GUCY2C: variants seen among roughly 807,000 people sequenced by gnomAD.
GUCY2C encodes guanylate cyclase 2C.
Under a neutral mutation model 131.1 loss-of-function variants are expected in GUCY2C, and 118 were observed. The observed-to-expected ratio is 0.90, with a 90% CI of 0.78 to 1.05. The LOEUF (loss-of-function observed/expected upper bound fraction) is 1.05, where lower values mean the gene tolerates loss of function less well. Among genes scored for constraint, GUCY2C ranks in the 50% least tolerant of loss-of-function variants. GUCY2C has a pLI of 0.00. For synonymous variants in GUCY2C, 452 were observed against 457.8 expected (o/e 0.99, Z 0.16); for missense variants, 1,161 against 1,304.4 (o/e 0.89, Z 1.69).
At position 14,674,655 on chromosome 12, in the gene GUCY2C, C is replaced by T. The variant is rs779079635; in HGVS notation, c.1054G>A (p.Ala352Thr). 6.2e-7 allele frequency: 1 copy of T among 1,613,548 alleles called. No individual in the cohort carries two copies. Among genetic ancestry groups the T allele is most frequent in the Non-Finnish European group, 8.5e-7 (1 of 1,179,622 alleles). The change falls in exon 8 of 27, where the codon GCT (alanine) becomes ACT (threonine). Residue 352 changes from alanine to threonine, a missense_variant. Physicochemically the swap from Ala to Thr is moderately conservative, Grantham distance 58. Transcript: ENST00000261170. ...AAAGTGAGATTCCTGAAAGCATGAG[C>T]AAATTTGGGGGTGGTAATATTTTCT... The part of the protein sequence containing the change: ...NGENITTPKF[A>T]HAFRNLTFEG...
At position 14,691,883 on chromosome 12, in the gene GUCY2C, A is replaced by AT. The variant is rs560865846; in HGVS notation, c.218-3821dup. On this transcript the variant is annotated intron_variant, in intron 1 of 26. Transcript: ENST00000261170. ...ACTATATGCCTAGCTTTGGGCTGTG[A>AT]TTTTTTACAGGTATTATTTCACTTA... Among the ~76,000 whole-genome samples the AT allele has an allele frequency of 4.5e-4, 68 of 152,240 alleles. No individual in the cohort carries two copies. The East Asian group carries it at 0.013, about 29-fold the overall frequency.
chr12:14,641,438 G>A (rs1947402204), intron 17 of GUCY2C, among the ~76,000 whole-genome samples: 1 of 152,170 alleles, frequency 6.6e-6, no homozygotes, highest in African/African-American at 2.4e-5. Context: ...ACTATGAAAT[G>A]TTAGGATTTG....
chr12:14,695,233 A>G (rs1240578995), intron 1 of GUCY2C, among the ~76,000 whole-genome samples: 1 of 152,216 alleles, frequency 6.6e-6, no homozygotes, highest in African/African-American at 2.4e-5. Context: ...GACTGGAAAC[A>G]TCCAGGTGGC....
At chr12:14,645,593 G>C (rs1485673540) in intron 15 of GUCY2C, among the ~76,000 whole-genome samples, 1 of 152,154 alleles carries the variant, frequency 6.6e-6, no homozygotes, top group East Asian at 1.9e-4. Flanking sequence ...GCAGCAGGCG[G>C]GGAGACTGCT....
Position 14,621,164 on chromosome 12 carries a change from T to C in GUCY2C, c.2654A>G (p.Asn885Ser). The C allele has an allele frequency of 6.2e-7, 1 of 1,613,752 alleles. No homozygotes were observed. Among genetic ancestry groups the C allele is most frequent in the Non-Finnish European group, 8.5e-7 (1 of 1,179,804 alleles). The change falls in exon 23 of 27, where the codon AAT becomes AGT. Residue 885 changes from asparagine to serine, a missense_variant. Transcript: ENST00000261170. The part of the protein sequence containing the change: ...YMVASGLPKR[N>S]GNRHAIDIAK... ...AATGTCTATTGCATGCCGATTGCCA[T>C]TTCTCTTAGGCAAACCACTAGCCAC... is the stretch of plus-strand genomic sequence containing the variant.
rs376604442 is a variant in GUCY2C at position 14,672,910 on chromosome 12, G to A, written c.1133C>T (p.Thr378Ile). 1.2e-6 allele frequency: 2 copies of A among 1,608,544 alleles called. No individual in the cohort carries two copies. The highest frequency in any genetic ancestry group is 2.7e-5 in the African/African-American group (2 of 74,758). The change falls in exon 9 of 27, where the codon ACC (threonine) becomes ATC (isoleucine). Residue 378 changes from threonine (T) to isoleucine (I), a missense_variant. Coordinates refer to ENST00000261170, the MANE Select transcript of GUCY2C (RefSeq NM_004963.4). ...CACAGAGGTATACAGAAGCACCATGGTACTGTCAACATCCCCCCAGTCATC... is the reference window on the plus strand; with the variant it reads ...CACAGAGGTATACAGAAGCACCATGATACTGTCAACATCCCCCCAGTCATC... ...TLDDWGDVDSTMVLLYTSVDT... is the reference protein window; with the variant it reads ...TLDDWGDVDSIMVLLYTSVDT...
intron 20 of GUCY2C, among the ~76,000 whole-genome samples, chr12:14,626,238 G>GC (rs1202270260): frequency 6.6e-6 from 1 of 151,762 alleles, no homozygotes; most frequent in African/African-American, 2.4e-5. Context: ...CAGGAGAATT[G>GC]CTTGACTGGG....
chr12:14,633,424 A>G (rs73312031), intron 19 of GUCY2C, among the ~76,000 whole-genome samples: 1 of 152,112 alleles, frequency 6.6e-6, no homozygotes, highest in Non-Finnish European at 1.5e-5. Context: ...GTCCTCCCCT[A>G]TGAAAGCAAA....
At chr12:14,686,769 A>G (rs1423722585) in intron 2 of GUCY2C, among the ~76,000 whole-genome samples, 2 of 152,220 alleles carry the variant, frequency 1.3e-5, no homozygotes, top group Non-Finnish European at 2.9e-5. Context: ...GTAGAGGCAG[A>G]GAAAAGCAGC....
chr12:14,671,858 A>G (rs182343744), intron 9 of GUCY2C, among the ~76,000 whole-genome samples: 2 of 152,342 alleles, frequency 1.3e-5, no homozygotes, highest in Admixed American at 6.5e-5. Context: ...TTCTTACGGA[A>G]TGTATGCGAA....
intron 15 of GUCY2C, among the ~76,000 whole-genome samples, chr12:14,649,436 A>G (rs1947594509): frequency 6.6e-6 from 1 of 152,202 alleles, no homozygotes; most frequent in Non-Finnish European, 1.5e-5. Flanking sequence ...AAACATGAAC[A>G]TACTCCAAAT....
chr12:14,687,642 C>A (rs925550357), intron 2 of GUCY2C, among the ~76,000 whole-genome samples: 2 of 152,000 alleles, frequency 1.3e-5, no homozygotes, highest in Non-Finnish European at 2.9e-5. Context: ...AACAAACACC[C>A]AAGAAACAAA....
chr12:14,679,585 A>G, intron 6 of GUCY2C, 72 bp downstream of exon 6: 1 of 788,104 alleles, frequency 1.3e-6, no homozygotes, highest in South Asian at 1.4e-5. Context: ...AGAAAAGAGA[A>G]TGTGCCTTCT....
In GUCY2C at chr12:14,613,220, G is replaced by A. The variant is rs747094221; in HGVS notation, c.3119C>T (p.Ala1040Val). 1.2e-6 allele frequency: 2 copies of A among 1,613,084 alleles called. No homozygotes were observed. The highest frequency in any genetic ancestry group is 4.5e-5 in the East Asian group (2 of 44,860). The change falls in exon 27 of 27, where the codon GCA (alanine) becomes GTA (valine). Residue 1040 changes from alanine (A) to valine (V), a missense_variant. Physicochemically the swap from Ala to Val is moderately conservative, Grantham distance 64 (BLOSUM62 0). Coordinates refer to ENST00000261170, the MANE Select transcript of GUCY2C (RefSeq NM_004963.4). The surrounding 1 kb of genome is among the most constrained non-coding windows in gnomAD (Gnocchi z 4.9). Reference protein sequence around the residue: ...IANSLQKRQAAGIRSQKPRRV... With the variant: ...IANSLQKRQAVGIRSQKPRRV... Reference sequence around the variant, plus strand: ...TCTGGGTTTTTGGCTTCTTATCCCTGCTGCCTGTCTTTTCTGTAAAGAGTT... The same window carrying A: ...TCTGGGTTTTTGGCTTCTTATCCCTACTGCCTGTCTTTTCTGTAAAGAGTT...
intron 26 of GUCY2C, 45 bp downstream of exon 26, chr12:14,614,822 A>C: frequency 8.2e-7 from 1 of 1,217,208 alleles, no homozygotes; most frequent in Non-Finnish European, 1.2e-6. Flanking sequence ...AACAAAGCCA[A>C]GATCTCTAAT....
rs760204350 is a variant in GUCY2C, at chr12:14,676,862, G to T, written c.940C>A (p.Leu314Ile). The T allele has an allele frequency of 2.3e-6, 3 of 1,289,308 alleles. No individual in the cohort carries two copies. The highest frequency in any genetic ancestry group is 1.9e-5 in the Admixed American group (1 of 52,856). The allele number at this position is 1,289,308 out of a possible 1,614,324, so 79.9% of individuals were successfully genotyped here. A position where few individuals can be genotyped will look rare whatever the true frequency, so the allele number is the denominator to read the frequency against. ...SLLNSSFSRN[L>I]SPTKRDFALA... ...ATAAAATAATAGCTTACTGGTGATAGATTCCTGGAGAAAGAGCTATTTAGA... is the reference window on the plus strand; with the variant it reads ...ATAAAATAATAGCTTACTGGTGATATATTCCTGGAGAAAGAGCTATTTAGA... Residue 314 changes from leucine to isoleucine, a missense_variant, in exon 7 of 27, where the codon CTA becomes ATA. By Grantham distance (5) the Leu-to-Ile change is conservative. Transcript: ENST00000261170.
At chr12:14,640,239 G>A (rs1272437984) in intron 18 of GUCY2C, among the ~76,000 whole-genome samples, 1 of 152,028 alleles carries the variant, frequency 6.6e-6, no homozygotes, top group Non-Finnish European at 1.5e-5. Context: ...GAGGTTGGGG[G>A]ATCACTCGAG....
At chr12:14,621,962 G>T in intron 22 of GUCY2C, 43 bp downstream of exon 22, 1 of 1,385,968 alleles carries the variant, frequency 7.2e-7, no homozygotes, top group Non-Finnish European at 1.0e-6. Flanking sequence ...ATGACCTTGA[G>T]TTGTACAATT....
rs779757211 is a variant in GUCY2C at position 14,639,900 on chromosome 12, C to T, written c.2119G>A (p.Asp707Asn). The T allele has an allele frequency of 1.2e-6, 2 of 1,611,828 alleles. No homozygotes were observed. The highest frequency in any genetic ancestry group is 2.2e-5 in the South Asian group (2 of 91,022). The change falls in exon 19 of 27, where the codon GAT (aspartate) becomes AAT (asparagine). Residue 707 changes from aspartate (D) to asparagine (N), a missense_variant. Coordinates refer to ENST00000261170, the MANE Select transcript of GUCY2C (RefSeq NM_004963.4). The part of the protein sequence containing the change: ...NSNGMKPFRP[D>N]LFLETAEEKE... ...TCCTCTGCTGTTTCCAAGAATAAAT[C>T]TGGGCGGAAGGGTTTCATTCCATTG...
Sources: allele counts gnomAD v4.1 joint callset (sites outside exome capture counted in the v4.1 genomes callset), GRCh38; gene constraint gnomAD v4.1.1; non-coding constraint Gnocchi (gnomAD v3.1); transcripts MANE v1.5; gene names NCBI Gene and HGNC (gene_info 2026-07-23, HGNC 2026-07-21).